Variants in PHKA2 observed in about 807,000 individuals in gnomAD.
PHKA2 encodes the protein phosphorylase kinase regulatory subunit alpha 2.
In PHKA2, 31 loss-of-function variants were observed where a neutral mutation model predicts 102.0. That is an observed-to-expected ratio of 0.30 (90% CI 0.23 to 0.41). The LOEUF is 0.41. PHKA2 is among the 10% of genes least tolerant of loss of function. PHKA2 has a pLI of 1.00. For missense variants in PHKA2, 858 were observed against 1,023.1 expected, an observed-to-expected ratio of 0.84 and a Z score of 2.20; for synonymous variants, 455 against 416.2, an observed-to-expected ratio of 1.09 and a Z score of -1.13.
chrX:18,982,906 T>C (rs2049194749), intron 1 of PHKA2, among the ~76,000 whole-genome samples: 2 of 112,402 alleles, frequency 1.8e-5, no homozygotes, highest in South Asian at 7.3e-4. Context: ...TAAATGTTAC[T>C]GCACTACGAT....
chrX:18,935,992 G>T, intron 11 of PHKA2, 63 bp downstream of exon 11: 2 of 734,583 alleles, frequency 2.7e-6, no homozygotes, highest in Non-Finnish European at 4.3e-6. Context: ...ATACCAACAG[G>T]CCAAGCAATG....
chrX:18,980,698 C>T (rs1384250776), intron 1 of PHKA2, among the ~76,000 whole-genome samples: 2 of 111,602 alleles, frequency 1.8e-5, no homozygotes, highest in Non-Finnish European at 3.8e-5. Context: ...ACTCAGAGAC[C>T]GGTGCCGGTG....
In PHKA2 at chrX:18,907,047, C is replaced by T. The variant is rs141034910; in HGVS notation, c.2568G>A (p.Pro856=). ...AGATGATCTTCTCCCGGGGCTCGGG[C>T]GGCAGGCCCACGGTGAGCTGCTTCT... The part of the protein sequence containing the change: ...SHQKQLTVGL[P]PEPREKIISA... The change falls in exon 23 of 33, where the codon CCG becomes CCA. Residue 856 remains proline, a synonymous_variant. Coordinates refer to ENST00000379942, the MANE Select transcript of PHKA2 (RefSeq NM_000292.3). 1.5e-5 allele frequency: 18 copies of T among 1,194,858 alleles called. No individual in the cohort carries two copies. The highest frequency in any genetic ancestry group is 1.5e-4 in the South Asian group (8 of 54,544).
Position 18,908,852 on chromosome X carries a change from C to A in PHKA2, c.2309G>T (p.Cys770Phe). 8.3e-7 allele frequency: 1 copy of A among 1,210,448 alleles called. No individual in the cohort carries two copies. The highest frequency in any genetic ancestry group is 1.1e-6 in the Non-Finnish European group (1 of 894,239). The stretch of plus-strand genomic sequence containing the variant: ...GTCTGCTTGGTCCTGTAGGTTCGAA[C>A]AATCTTTTAGCTGCTCAACCAGCTT... ...CEKLVEQLKD[C>F]SNLQDQADIL... The change falls in exon 21 of 33, where the codon TGT (cysteine) becomes TTT (phenylalanine). Residue 770 changes from cysteine (C) to phenylalanine (F), a missense_variant. Cys to Phe is a radical substitution (Grantham distance 205, BLOSUM62 -2). Transcript: ENST00000379942.
chrX:18,941,524 C>T lies in PHKA2; in HGVS notation c.864+5G>A. Reference sequence around the variant, plus strand: ...CAGAAGGGCACCAGCATGACTAATGCTTACCTGGAGCTTAGAAATAATTTC... The same window carrying T: ...CAGAAGGGCACCAGCATGACTAATGTTTACCTGGAGCTTAGAAATAATTTC... On this transcript the variant is annotated splice_donor_5th_base_variant and intron_variant, in intron 8 of 32. Transcript: ENST00000379942. 1.2e-5 allele frequency: 15 copies of T among 1,208,222 alleles called. No individual in the cohort carries two copies. The highest frequency in any genetic ancestry group is 1.7e-5 in the Non-Finnish European group (15 of 892,094).
chrX:18,977,110 TCTAA>T (rs748097108), intron 1 of PHKA2, among the ~76,000 whole-genome samples: 1 of 112,517 alleles, frequency 8.9e-6, no homozygotes, highest in Non-Finnish European at 1.9e-5. Context: ...GTCATTCAGT[TCTAA>T]CTCTTTCATA....
intron 31 of PHKA2, chrX:18,894,616 C>A (rs990369471): frequency 2.2e-6 from 1 of 458,507 alleles, no homozygotes; most frequent in Non-Finnish European, 3.9e-6. Context: ...CTGTCCTCGC[C>A]TGATTTATCT....
intron 17 of PHKA2, among the ~76,000 whole-genome samples, chrX:18,922,272 A>G (rs2048136181): frequency 8.9e-6 from 1 of 112,196 alleles, no homozygotes; most frequent in African/African-American, 3.2e-5. Context: ...TATTTTGCAA[A>G]ATGGTTAATT....
At chrX:18,914,748 T>C (rs2047991201) in intron 19 of PHKA2, among the ~76,000 whole-genome samples, 1 of 111,938 alleles carries the variant, frequency 8.9e-6, no homozygotes, top group Non-Finnish European at 1.9e-5. Flanking sequence ...TATAAGTAAC[T>C]ATATAGCTCC....
intron 6 of PHKA2, among the ~76,000 whole-genome samples, chrX:18,944,678 G>A (rs2048550087): frequency 8.9e-6 from 1 of 111,955 alleles, no homozygotes; most frequent in Non-Finnish European, 1.9e-5. Context: ...GTTTCACTTC[G>A]TACTGTTATT....
At position 18,893,584 on chromosome X, in the gene PHKA2, G is replaced by A. The variant is rs141588752; in HGVS notation, c.3609C>T (p.Ser1203=). Residue 1203 remains serine (S), a synonymous_variant, in exon 33 of 33, where the codon AGC becomes AGT. Transcript: ENST00000379942. ...TCGTCCCATAAGCCCCACTCGGAGC[G>A]CTGTCATAAAAGAAGTGGCAGATTC... ...ATGICHFFYD[S]APSGAYGTMT... The A allele has an allele frequency of 2.6e-5, 31 of 1,209,675 alleles. No homozygotes were observed. Among genetic ancestry groups the A allele is most frequent in the African/African-American group, 1.2e-4 (7 of 57,436 alleles).
intron 1 of PHKA2, among the ~76,000 whole-genome samples, chrX:18,963,414 A>G (rs1269884902): frequency 1.8e-5 from 2 of 112,164 alleles, no homozygotes; most frequent in African/African-American, 6.5e-5. Flanking sequence ...TACCTCTGTC[A>G]CTACCTGGGA....
At position 18,908,837 on chromosome X, in the gene PHKA2, T is replaced by C. The variant is rs981779063; in HGVS notation, c.2324A>G (p.Asp775Gly). ...AAGAATGTACAGAATGTCTGCTTGG[T>C]CCTGTAGGTTCGAACAATCTTTTAG... ...EQLKDCSNLQ[D>G]QADILYILYV... Residue 775 changes from aspartate to glycine, a missense_variant, in exon 21 of 33, where the codon GAC becomes GGC. This residue lies in a region of PHKA2 where 671 missense variants were observed against 745.2 expected (regional missense o/e 0.90). Coordinates refer to ENST00000379942, the MANE Select transcript of PHKA2 (RefSeq NM_000292.3). The C allele has an allele frequency of 8.3e-7, 1 of 1,209,916 alleles. No individual in the cohort carries two copies. Among genetic ancestry groups the C allele is most frequent in the Non-Finnish European group, 1.1e-6 (1 of 893,765 alleles).
chrX:18,954,151 C>T, intron 2 of PHKA2, 103 bp downstream of exon 2: 1 of 845,515 alleles, frequency 1.2e-6, no homozygotes, highest in East Asian at 3.1e-5. Flanking sequence ...GAGGAGAGGC[C>T]TACACCCAAA....
At chrX:18,962,337 C>T (rs2148012473) in intron 1 of PHKA2, among the ~76,000 whole-genome samples, 1 of 111,911 alleles carries the variant, frequency 8.9e-6, no homozygotes, top group African/African-American at 3.2e-5. Flanking sequence ...CAGCAGAATG[C>T]CAAGGACTTG....
chrX:18,946,220 G>T (rs1395986986), intron 5 of PHKA2, among the ~76,000 whole-genome samples: 2 of 111,021 alleles, frequency 1.8e-5, no homozygotes, highest in Non-Finnish European at 3.8e-5. Context: ...GAGCCACCGC[G>T]CCTGGCCAGA....
Position 18,926,494 on chromosome X carries a change from A to C in PHKA2, c.1418T>G (p.Val473Gly). ...QSIADIHPIQ[V>G]QPGRILSHIY... is the part of the protein sequence containing the mutation. Reference sequence around the variant, plus strand: ...GTGACTAAGAATCCGGCCCGGCTGGACTTGAATTGGATGAATGTCCGCGAT... The same window carrying C: ...GTGACTAAGAATCCGGCCCGGCTGGCCTTGAATTGGATGAATGTCCGCGAT... Residue 473 changes from valine to glycine, a missense_variant, in exon 14 of 33, where the codon GTC (valine) becomes GGC (glycine). Around this residue, in one of 2 missense-constraint regions of PHKA2, gnomAD observed 671 missense variants for 745.2 expected, o/e 0.90. Transcript: ENST00000379942. 8.3e-7 allele frequency: 1 copy of C among 1,202,367 alleles called. No individual in the cohort carries two copies. Among genetic ancestry groups the C allele is most frequent in the Non-Finnish European group, 1.1e-6 (1 of 886,765 alleles).
rs1263568816 is a variant in PHKA2, at chrX:18,907,971, A to T, written c.2446T>A (p.Leu816Met). ...LLGELYGKAG[L>M]NQEWGLIRYI... ...CGAATCAGACCCCACTCCTGGTTCA[A>T]GCCGGCTTTCCCATAGAGCTCACCA... The change falls in exon 22 of 33, where the codon TTG (leucine) becomes ATG (methionine). Residue 816 changes from leucine to methionine, a missense_variant. Physicochemically the swap from Leu to Met is conservative, Grantham distance 15. Transcript: ENST00000379942. 1.7e-6 allele frequency: 2 copies of T among 1,211,306 alleles called. No individual in the cohort carries two copies. Among genetic ancestry groups the T allele is most frequent in the Non-Finnish European group, 1.1e-6 (1 of 894,922 alleles).
intron 13 of PHKA2, among the ~76,000 whole-genome samples, chrX:18,928,441 A>G (rs1250002343): frequency 8.9e-6 from 1 of 112,486 alleles, no homozygotes; most frequent in Non-Finnish European, 1.9e-5. Flanking sequence ...GCCAATCAAC[A>G]TAGAAACTGC....
Sources: gnomAD v4.1 joint callset for allele counts (sites outside exome capture counted in the v4.1 genomes callset) on GRCh38, gnomAD v4.1.1 for gene constraint, gnomAD v4.1.1 regional missense constraint, MANE v1.5 for transcripts, NCBI Gene and HGNC (gene_info 2026-07-23, HGNC 2026-07-21) for gene names.